The following CTNNA3 variants were observed in gnomAD, a reference collection of about 807,000 sequenced individuals.
CTNNA3 encodes the protein catenin alpha-3.
CTNNA3 carries 76 observed loss-of-function variants against 95.7 expected under a neutral mutation model. The ratio of observed to expected loss-of-function variants is 0.79; its 90% CI spans 0.66 to 0.96. CTNNA3 has a LOEUF of 0.96. Among genes scored for constraint, CTNNA3 ranks in the 40% least tolerant of loss-of-function variants. CTNNA3 has a pLI of 0.00. For synonymous variants in CTNNA3, 431 were observed against 374.4 expected (o/e 1.15, Z -1.74); for missense variants, 1,191 against 1,089.8 (o/e 1.09, Z -1.31).
chr10:66,183,996 TTGTATTTTG>T (rs1311493126), intron 13 of CTNNA3, among the ~76,000 whole-genome samples: 1 of 152,192 alleles, frequency 6.6e-6, no homozygotes, highest in African/African-American at 2.4e-5. Context: ...ACTTTATAAC[TTGTATTTTG>T]TGTATGAGGT....
At chr10:67,437,668 GA>G (rs1426401261) in intron 5 of CTNNA3, among the ~76,000 whole-genome samples, 6 of 151,418 alleles carry the variant, frequency 4.0e-5, no homozygotes, top group East Asian at 1.9e-4. Flanking sequence ...TTCTTAGTAA[GA>G]AAAAAAGAAA....
At chr10:66,558,570 C>T (rs927854812) in intron 10 of CTNNA3, among the ~76,000 whole-genome samples, 3 of 152,050 alleles carry the variant, frequency 2.0e-5, no homozygotes, top group African/African-American at 4.8e-5. Flanking sequence ...GAAATAAAGG[C>T]CAAAATGCCC....
chr10:66,031,967 T>A lies in CTNNA3; in HGVS notation c.2159+37341A>T, dbSNP rs185581779. 2.6e-5 allele frequency among the ~76,000 whole-genome samples: 4 copies of A among 152,258 alleles called. No homozygotes were observed. In the East Asian group the frequency reaches 7.7e-4, roughly 29 times the overall value. On this transcript the variant is annotated intron_variant, in intron 15 of 17. Coordinates refer to ENST00000433211, the MANE Select transcript of CTNNA3 (RefSeq NM_013266.4). ...TAGCTGGTAAAGGAACTGAAAAACA[T>A]TGGTATAAATTTATGGGGAGTCAAA...
chr10:66,225,569 A>G (rs10822757), intron 13 of CTNNA3, among the ~76,000 whole-genome samples: 49,608 of 151,044 alleles, frequency 0.33, 8,919 homozygotes, highest in East Asian at 0.43. Flanking sequence ...TGATACACTT[A>G]CTTTATTTCC....
At chr10:66,960,407 CTGAT>C (rs1455401236) in intron 7 of CTNNA3, among the ~76,000 whole-genome samples, 1 of 152,082 alleles carries the variant, frequency 6.6e-6, no homozygotes, top group Non-Finnish European at 1.5e-5. Context: ...CCAGCTAAGT[CTGAT>C]TGAATTTTTC....
chr10:66,344,191 C>A (rs2092480728), intron 12 of CTNNA3, among the ~76,000 whole-genome samples: 1 of 147,260 alleles, frequency 6.8e-6, no homozygotes, highest in African/African-American at 2.5e-5. Flanking sequence ...CGCACCATTG[C>A]ACTCCAGCCT....
intron 7 of CTNNA3, among the ~76,000 whole-genome samples, chr10:66,865,181 A>G (rs888169309): frequency 1.3e-5 from 2 of 149,542 alleles, no homozygotes; most frequent in Non-Finnish European, 3.0e-5. Flanking sequence ...TATGAATGCT[A>G]TCATTTAACA....
At chr10:67,073,900 G>A (rs116011952) in intron 7 of CTNNA3, among the ~76,000 whole-genome samples, 2,355 of 152,254 alleles carry the variant, frequency 0.015, 47 homozygotes, top group African/African-American at 0.053. Flanking sequence ...CTTGGAAAAT[G>A]TTAAGTAACT....
chr10:66,508,739 G>C (rs1840552080), intron 11 of CTNNA3, among the ~76,000 whole-genome samples: 1 of 152,056 alleles, frequency 6.6e-6, no homozygotes, highest in South Asian at 2.1e-4. Flanking sequence ...TGGCTGACTA[G>C]TATTCCATGT....
chr10:65,992,518 C>T (rs559486327), intron 15 of CTNNA3, among the ~76,000 whole-genome samples: 56 of 151,630 alleles, frequency 3.7e-4, no homozygotes, highest in African/African-American at 1.4e-3. Flanking sequence ...CTATGTCTTC[C>T]AGTTTGTAAA....
chr10:66,009,236 G>C (rs60208210), intron 15 of CTNNA3, among the ~76,000 whole-genome samples: 193 of 152,232 alleles, frequency 1.3e-3, no homozygotes, highest in African/African-American at 4.4e-3. Context: ...CTAAGATTAA[G>C]AGAAGTGCCA....
At chr10:67,569,057 A>G (rs1272953384) in intron 3 of CTNNA3, among the ~76,000 whole-genome samples, 2 of 152,174 alleles carry the variant, frequency 1.3e-5, no homozygotes, top group Non-Finnish European at 2.9e-5. Context: ...ACATGCATGC[A>G]TTGTGTCCTG....
intron 10 of CTNNA3, among the ~76,000 whole-genome samples, chr10:66,595,152 AGTGGAAC>A (rs1843670805): frequency 6.6e-6 from 1 of 152,056 alleles, no homozygotes; most frequent in Non-Finnish European, 1.5e-5. Flanking sequence ...CCAGCATCAC[AGTGGAAC>A]GACAACAACA....
At chr10:66,291,862 A>G (rs950983923) in intron 12 of CTNNA3, among the ~76,000 whole-genome samples, 3 of 151,438 alleles carry the variant, frequency 2.0e-5, no homozygotes, top group African/African-American at 7.3e-5. Flanking sequence ...ATGCATATAT[A>G]TGTGTGTCTA....
At chr10:66,219,621 C>A (rs955924854) in intron 13 of CTNNA3, among the ~76,000 whole-genome samples, 2 of 150,408 alleles carry the variant, frequency 1.3e-5, no homozygotes, top group African/African-American at 4.9e-5. Flanking sequence ...CCAATTAAGT[C>A]TTTTTTTTTT....
chr10:67,379,948 G>C (rs1368048297), intron 5 of CTNNA3, among the ~76,000 whole-genome samples: 1 of 149,904 alleles, frequency 6.7e-6, no homozygotes, highest in Non-Finnish European at 1.5e-5. Context: ...GTGAACCCGG[G>C]AGGCGGAGCT....
At chr10:66,579,583 T>C (rs546827659) in intron 10 of CTNNA3, among the ~76,000 whole-genome samples, 57 of 151,938 alleles carry the variant, frequency 3.8e-4, no homozygotes, top group African/African-American at 1.4e-3. Flanking sequence ...CCTTCAATAA[T>C]ATTTCAGGCC....
At position 65,925,120 on chromosome 10, in the gene CTNNA3, C is replaced by T. The variant is rs561251557; in HGVS notation, c.2401-4503G>A. On this transcript the variant is annotated intron_variant, in intron 17 of 17. Coordinates refer to ENST00000433211, the MANE Select transcript of CTNNA3 (RefSeq NM_013266.4). ...TCTAGATAAATTAATGGTCCCCAACCTGAAACTAACAGAAAATGCATCTGT... is the reference window on the plus strand; with the variant it reads ...TCTAGATAAATTAATGGTCCCCAACTTGAAACTAACAGAAAATGCATCTGT... Among the ~76,000 whole-genome samples the T allele has an allele frequency of 2.6e-5, 4 of 152,262 alleles. No individual in the cohort carries two copies. The South Asian group carries it at 6.2e-4, about 24-fold the overall frequency.
intron 7 of CTNNA3, among the ~76,000 whole-genome samples, chr10:67,049,088 T>C (rs953055779): frequency 1.4e-4 from 21 of 151,876 alleles, no homozygotes; most frequent in Admixed American, 6.6e-5. Flanking sequence ...AAAAATGACA[T>C]TTATAACTTG....
Sources: allele counts gnomAD v4.1 joint callset (sites outside exome capture counted in the v4.1 genomes callset), GRCh38; gene constraint gnomAD v4.1.1; transcripts MANE v1.5; gene names NCBI Gene and HGNC (gene_info 2026-07-23, HGNC 2026-07-21).